SWAP70: variants seen among roughly 807,000 people sequenced by gnomAD.
SWAP70 encodes switch-associated protein 70.
In SWAP70, 34 loss-of-function variants were observed where a neutral mutation model predicts 80.2. That is an observed-to-expected ratio of 0.42 (90% CI 0.32 to 0.56). SWAP70 has a LOEUF of 0.56. Ranked by LOEUF, SWAP70 falls within the 20% of genes least tolerant of loss-of-function variation. SWAP70 has a pLI of 0.09. For missense variants in SWAP70, 578 were observed against 690.7 expected (o/e 0.84, Z 1.83); for synonymous variants, 239 against 238.5 (o/e 1.00, Z -0.02).
intron 4 of SWAP70, among the ~76,000 whole-genome samples, chr11:9,725,565 ATATATTTTTT>A (rs1564829594): frequency 2.3e-4 from 4 of 17,352 alleles, no homozygotes; most frequent in African/African-American, 5.5e-4. Context: ...ATATATATAT[ATATATTTTTT>A]TTTTTTTTTT....
chr11:9,698,579 A>T (rs1850791712), intron 2 of SWAP70, among the ~76,000 whole-genome samples: 1 of 151,196 alleles, frequency 6.6e-6, no homozygotes, highest in Admixed American at 6.6e-5. Flanking sequence ...TAATTTTTGT[A>T]TTTTTAGTAG....
At chr11:9,686,488 G>A (rs577821678) in intron 1 of SWAP70, among the ~76,000 whole-genome samples, 1 of 151,968 alleles carries the variant, frequency 6.6e-6, no homozygotes, top group African/African-American at 2.4e-5. Context: ...AGCCTCCCTA[G>A]TAGCTGGGAC....
intron 7 of SWAP70, among the ~76,000 whole-genome samples, chr11:9,737,193 A>G (rs1851373997): frequency 6.6e-6 from 1 of 152,236 alleles, no homozygotes; most frequent in African/African-American, 2.4e-5. Flanking sequence ...AAATTCTGGC[A>G]GCCAGCCTGC....
chr11:9,691,426 T>A (rs1850696414), intron 1 of SWAP70, among the ~76,000 whole-genome samples: 3 of 152,242 alleles, frequency 2.0e-5, no homozygotes, highest in Admixed American at 1.3e-4. Flanking sequence ...TATACTGTGC[T>A]GCCTTCCTCA....
intron 5 of SWAP70, among the ~76,000 whole-genome samples, chr11:9,728,555 C>G (rs1851255407): frequency 1.3e-5 from 2 of 151,862 alleles, no homozygotes; most frequent in South Asian, 4.2e-4. Flanking sequence ...AAGAATATGC[C>G]AGAAAATCTG....
At chr11:9,680,218 A>G (rs537844914) in intron 1 of SWAP70, among the ~76,000 whole-genome samples, 11 of 152,306 alleles carry the variant, frequency 7.2e-5, no homozygotes, top group East Asian at 5.8e-4. Context: ...AATGACCACA[A>G]TGACGCAATA....
chr11:9,708,583 A>T (rs567966319), intron 2 of SWAP70, among the ~76,000 whole-genome samples: 1 of 152,210 alleles, frequency 6.6e-6, no homozygotes, highest in Non-Finnish European at 1.5e-5. Flanking sequence ...TCTTAAAATT[A>T]TGAAGCCCTT....
At chr11:9,741,996 T>A (rs1471516509) in intron 9 of SWAP70, 2 of 138,210 alleles carry the variant, frequency 1.4e-5, no homozygotes, top group Non-Finnish European at 1.5e-5. Flanking sequence ...ATCACTTGAG[T>A]CCAGGAGGTT....
chr11:9,696,653 TA>T (rs993177039), intron 2 of SWAP70, among the ~76,000 whole-genome samples: 97 of 152,338 alleles, frequency 6.4e-4, no homozygotes, highest in African/African-American at 2.2e-3. Context: ...ATAAGCAACT[TA>T]TTTTTTTAAT....
intron 1 of SWAP70, among the ~76,000 whole-genome samples, chr11:9,689,416 T>C (rs998899265): frequency 3.3e-5 from 5 of 152,186 alleles, no homozygotes; most frequent in African/African-American, 9.7e-5. Context: ...ATGAGGGAAC[T>C]GGAGAGATGA....
rs552255645 is a variant in SWAP70 at position 9,669,745 on chromosome 11, A to G, written c.99+5467A>G. 1.4e-4 allele frequency among the ~76,000 whole-genome samples: 21 copies of G among 152,304 alleles called. No individual in the cohort carries two copies. In the Middle Eastern group the frequency reaches 0.01, roughly 74 times the overall value. ...CAGAAATAGATTGGGGTTAATGCAT[A>G]GAAAGCTTTGATTGCCACACAAATT... On this transcript the variant is annotated intron_variant, in intron 1 of 11. Transcript: ENST00000318950.
intron 1 of SWAP70, among the ~76,000 whole-genome samples, chr11:9,691,739 G>A (rs1398355751): frequency 1.3e-5 from 2 of 152,188 alleles, no homozygotes; most frequent in African/African-American, 4.8e-5. Flanking sequence ...TAATATCTGT[G>A]AGTCTGTAGT....
At chr11:9,724,622 T>A (rs775454409) in intron 3 of SWAP70, 36 bp from the exon 4 acceptor site, 4 of 1,510,578 alleles carry the variant, frequency 2.6e-6, no homozygotes, top group Non-Finnish European at 3.6e-6. Flanking sequence ...AAGTTTTTTT[T>A]AACTAGGAAA....
At chr11:9,701,104 C>G (rs773026772) in intron 2 of SWAP70, among the ~76,000 whole-genome samples, 1 of 151,048 alleles carries the variant, frequency 6.6e-6, no homozygotes, top group Non-Finnish European at 1.5e-5. Flanking sequence ...TAATTTTCAG[C>G]TTTCCTGAGA....
intron 1 of SWAP70, 61 bp from the exon 2 acceptor site, chr11:9,694,085 T>C (rs887032820): frequency 4.7e-6 from 7 of 1,489,418 alleles, no homozygotes; most frequent in Admixed American, 2.3e-5. Context: ...GTTGTACTCA[T>C]GGTGAAGGTG....
At chr11:9,681,924 G>A (rs572817669) in intron 1 of SWAP70, among the ~76,000 whole-genome samples, 5 of 152,352 alleles carry the variant, frequency 3.3e-5, no homozygotes, top group African/African-American at 1.2e-4. Context: ...TGTTGAGAGA[G>A]AGAGGAGTTG....
chr11:9,686,236 C>T (rs1850630098), intron 1 of SWAP70, among the ~76,000 whole-genome samples: 1 of 151,712 alleles, frequency 6.6e-6, no homozygotes, highest in Non-Finnish European at 1.5e-5. Flanking sequence ...TCTCCCTTCC[C>T]CCATCATGTA....
In SWAP70 at chr11:9,713,567, T is replaced by C; in HGVS notation, c.342T>C (p.Asp114=). 6.2e-7 allele frequency: 1 copy of C among 1,614,072 alleles called. No homozygotes were observed. The highest frequency in any genetic ancestry group is 1.1e-5 in the South Asian group (1 of 91,082). ...ATCCCCTGCTCATTACAGAAGAAGA[T>C]GCATTTAAAATATGGGTTATTTTCA... ...TKNPLLITEE[D]AFKIWVIFNF... is the part of the protein sequence containing the mutation. Residue 114 remains aspartate, a synonymous_variant, in exon 3 of 12, where the codon GAT becomes GAC. Coordinates refer to ENST00000318950, the MANE Select transcript of SWAP70 (RefSeq NM_015055.4).
intron 3 of SWAP70, among the ~76,000 whole-genome samples, chr11:9,723,073 G>A (rs1386665738): frequency 6.6e-6 from 1 of 152,156 alleles, no homozygotes; most frequent in Non-Finnish European, 1.5e-5. Context: ...CTCTGTCTTT[G>A]AGGTGATAGG....
Sources: gnomAD v4.1 joint callset for allele counts (sites outside exome capture counted in the v4.1 genomes callset) on GRCh38, gnomAD v4.1.1 for gene constraint, MANE v1.5 for transcripts, NCBI Gene and HGNC (gene_info 2026-07-23, HGNC 2026-07-21) for gene names.